HERC5: variants seen among roughly 807,000 people sequenced by gnomAD.
HERC5 encodes the protein HECT and RLD domain containing E3 ubiquitin protein ligase 5.
In HERC5, 99 loss-of-function variants were observed where a neutral mutation model predicts 119.6. The ratio of observed to expected loss-of-function variants is 0.83; its 90% confidence interval spans 0.70 to 0.98. HERC5 has a LOEUF of 0.98. Ranked by LOEUF, HERC5 falls within the 50% of genes least tolerant of loss-of-function variation. The probability of loss-of-function intolerance (pLI) is 0.00; values close to 1 mark genes in which losing one functional copy is unlikely to be tolerated. For missense variants in HERC5, 1,267 were observed against 1,241.3 expected (o/e 1.02, Z -0.31); for synonymous variants, 478 against 445.9 (o/e 1.07, Z -0.91).
At chr4:88,464,132 T>A in intron 6 of HERC5, 147 bp downstream of exon 6, 1 of 550,796 alleles carries the variant, frequency 1.8e-6, no homozygotes, top group Non-Finnish European at 2.9e-6. Flanking sequence ...TAGATAAATG[T>A]AATACCCCTT....
chr4:88,479,036 A>G (rs1741177792), intron 12 of HERC5, among the ~76,000 whole-genome samples: 1 of 152,208 alleles, frequency 6.6e-6, no homozygotes, highest in Non-Finnish European at 1.5e-5. Context: ...CTACAATCCC[A>G]GCACTTTGGG....
Position 88,491,766 on chromosome 4 carries a change from A to AT in HERC5, c.2134-1236dup, listed in dbSNP as rs1033684027. On this transcript the variant is annotated intron_variant, in intron 16 of 22. Transcript: ENST00000264350. ...TTTGTATTGGAGACAATGTGTTGGG[A>AT]TTTTTTTTTTCCTTTTAAGGTTAAG... is the stretch of plus-strand genomic sequence containing the variant. Among the ~76,000 whole-genome samples, 53 of 149,292 alleles carry AT rather than the reference A, an allele frequency of 3.6e-4. No individual in the cohort carries two copies. In the South Asian group the frequency reaches 7.7e-3, roughly 22 times the overall value.
intron 4 of HERC5, among the ~76,000 whole-genome samples, chr4:88,463,309 C>T (rs550931666): frequency 6.6e-6 from 1 of 152,310 alleles, no homozygotes; most frequent in Admixed American, 6.5e-5. Context: ...AGTGGTTTGA[C>T]CCTTTCACAG....
chr4:88,502,240 C>T (rs1741969520), intron 20 of HERC5, among the ~76,000 whole-genome samples: 2 of 152,272 alleles, frequency 1.3e-5, no homozygotes, highest in Admixed American at 1.3e-4. Flanking sequence ...TGCTTGGTGC[C>T]TTGTGGTTGC....
In HERC5 at chr4:88,462,258, C is replaced by T. The variant is rs1008037733; in HGVS notation, c.590C>T (p.Ser197Phe). The T allele has an allele frequency of 2.5e-6, 4 of 1,614,108 alleles. No individual in the cohort carries two copies. The African/African-American group carries it at 5.3e-5, about 22-fold the overall frequency. The change falls in exon 4 of 23, where the codon TCT becomes TTT. Residue 197 changes from serine (S) to phenylalanine (F), a missense_variant. Ser to Phe is a radical substitution (Grantham distance 155). Around this residue, in one of 3 missense-constraint regions of HERC5, gnomAD observed 777 missense variants for 758.0 expected, o/e 1.03. Coordinates refer to ENST00000264350, the MANE Select transcript of HERC5 (RefSeq NM_016323.4). ...GCAGGAGTACCCTTGGCTCAGATTTCTGCCGGAGAAGCCCACAGCATGGCC... is the reference window on the plus strand; with the variant it reads ...GCAGGAGTACCCTTGGCTCAGATTTTTGCCGGAGAAGCCCACAGCATGGCC... ...HLAGVPLAQI[S>F]AGEAHSMALS... is the part of the protein sequence containing the mutation.
At chr4:88,504,210 A>G in intron 20 of HERC5, 22 bp from the exon 21 acceptor site, 3 of 1,503,010 alleles carry the variant, frequency 2.0e-6, no homozygotes, top group South Asian at 1.2e-5. Context: ...GTAAGTGGAA[A>G]TAACATTTTG....
At chr4:88,478,659 T>G (rs1305288722) in intron 12 of HERC5, among the ~76,000 whole-genome samples, 1 of 152,170 alleles carries the variant, frequency 6.6e-6, no homozygotes. Context: ...TCACCCAGGT[T>G]GGAGTGCTCT....
chr4:88,491,072 A>G (rs1379552987), intron 16 of HERC5, among the ~76,000 whole-genome samples: 1 of 152,046 alleles, frequency 6.6e-6, no homozygotes, highest in African/African-American at 2.4e-5. Flanking sequence ...TACATGTATG[A>G]CCCCTGTAAT....
At chr4:88,462,065 A>G in intron 3 of HERC5, 70 bp from the exon 4 acceptor site, 3 of 1,293,500 alleles carry the variant, frequency 2.3e-6, no homozygotes, top group South Asian at 2.5e-5. Flanking sequence ...TAGAGCATGC[A>G]TAATGCTTTA....
intron 16 of HERC5, among the ~76,000 whole-genome samples, chr4:88,489,604 G>A (rs1016266853): frequency 1.3e-5 from 2 of 152,126 alleles, no homozygotes; most frequent in Admixed American, 6.6e-5. Context: ...GCCCTAAGAG[G>A]TCCAGTCCCT....
rs1741235834 is a variant in HERC5, at chr4:88,480,259, A to G, written c.1737+752A>G. On this transcript the variant is annotated intron_variant, in intron 13 of 22. Coordinates refer to ENST00000264350, the MANE Select transcript of HERC5 (RefSeq NM_016323.4). ...TATGATGTTTAATTTTGCTATTTTC[A>G]AAATTTATGTGAATGGAATACTGCT... Among the ~76,000 whole-genome samples, 4 of 152,244 alleles carry G rather than the reference A, an allele frequency of 2.6e-5. No individual in the cohort carries two copies. The South Asian group carries it at 8.3e-4, about 32-fold the overall frequency.
Position 88,504,594 on chromosome 4 carries a change from CT to C in HERC5, c.2868del (p.Val957TyrfsTer11). ...KLTLEEKKKF[L>X]VFLTGTDRLQ... Reference sequence around the variant, plus strand: ...GACTCTGGAAGAAAAGAAAAAATTCCTTGGTAAGTATTATATCAAGGAATAG... The same window carrying C: ...GACTCTGGAAGAAAAGAAAAAATTCCTGGTAAGTATTATATCAAGGAATAG... On this transcript the variant is annotated frameshift_variant and splice_region_variant, in exon 22 of 23. Coordinates refer to ENST00000264350, the MANE Select transcript of HERC5 (RefSeq NM_016323.4). LOFTEE classifies it low-confidence loss of function (END_TRUNC). 2.6e-6 allele frequency: 4 copies of C among 1,539,934 alleles called. No homozygotes were observed. The highest frequency in any genetic ancestry group is 2.6e-6 in the Non-Finnish European group (3 of 1,143,618).
intron 12 of HERC5, among the ~76,000 whole-genome samples, chr4:88,476,771 A>G (rs1249718268): frequency 6.6e-6 from 1 of 151,890 alleles, no homozygotes; most frequent in Non-Finnish European, 1.5e-5. Flanking sequence ...AAATACAAAA[A>G]TTAACTGGAC....
intron 16 of HERC5, among the ~76,000 whole-genome samples, chr4:88,489,886 G>A (rs1741581128): frequency 6.6e-6 from 1 of 152,020 alleles, no homozygotes; most frequent in Non-Finnish European, 1.5e-5. Flanking sequence ...GTGGGTGCCT[G>A]TAATCCCAGC....
rs754478218 is a variant in HERC5 at position 88,486,089 on chromosome 4, T to A, written c.1738-26T>A. On this transcript the variant is annotated intron_variant, in intron 13 of 22. Coordinates refer to ENST00000264350, the MANE Select transcript of HERC5 (RefSeq NM_016323.4). Reference sequence around the variant, plus strand: ...CAAAATTGTCTTTAAATATAAAACTTTTTCACAAGTCATATTTTATTTAAG... The same window carrying A: ...CAAAATTGTCTTTAAATATAAAACTATTTCACAAGTCATATTTTATTTAAG... 1.1e-5 allele frequency: 16 copies of A among 1,456,242 alleles called. No homozygotes were observed. The Admixed American group carries it at 2.3e-4, about 21-fold the overall frequency. The allele number at this position is 1,456,242 out of a possible 1,614,324, so 90.2% of individuals were successfully genotyped here.
At chr4:88,475,744 T>G in intron 11 of HERC5, 97 bp from the exon 12 acceptor site, 2 of 995,004 alleles carry the variant, frequency 2.0e-6, no homozygotes, top group Non-Finnish European at 3.1e-6. Context: ...AGTAGTAGAA[T>G]GACATTCCAG....
chr4:88,493,065 C>T lies in HERC5; in HGVS notation c.2187C>T (p.Phe729=). The change falls in exon 17 of 23, where the codon TTC becomes TTT. Residue 729 remains phenylalanine (F), a synonymous_variant. Coordinates refer to ENST00000264350, the MANE Select transcript of HERC5 (RefSeq NM_016323.4). ...ACCTCGGAGGAGTCAAGAAAGAGTT[C>T]TTCTACTGTCTGTTTGCAGAGATGA... ...GYDLGGVKKE[F]FYCLFAEMIQ... is the part of the protein sequence containing the mutation. The T allele has an allele frequency of 6.2e-7, 1 of 1,613,970 alleles. No individual in the cohort carries two copies. The highest frequency in any genetic ancestry group is 1.1e-5 in the South Asian group (1 of 91,080).
intron 4 of HERC5, among the ~76,000 whole-genome samples, 173 bp from the exon 5 acceptor site, chr4:88,463,359 C>A (rs1256425665): frequency 6.6e-6 from 1 of 151,884 alleles, no homozygotes; most frequent in Non-Finnish European, 1.5e-5. Context: ...CCACTGGTCC[C>A]ACCTTCACCC....
In HERC5 at chr4:88,500,867, G is replaced by T. The variant is rs768594012; in HGVS notation, c.2512-48G>T. The stretch of plus-strand genomic sequence containing the variant: ...AAAGTGTTTTTATTGATGATAGATT[G>T]TTCAGAATTATGTTGGAGATATTAT... On this transcript the variant is annotated intron_variant, in intron 19 of 22. Transcript: ENST00000264350. 19 of 1,338,802 alleles carry T rather than the reference G, an allele frequency of 1.4e-5. No homozygotes were observed. In the East Asian group the frequency reaches 4.5e-4, roughly 31 times the overall value. The allele number at this position is 1,338,802 out of a possible 1,614,324, so 82.9% of individuals were successfully genotyped here.
Sources: allele counts gnomAD v4.1 joint callset (sites outside exome capture counted in the v4.1 genomes callset), GRCh38; gene constraint gnomAD v4.1.1; regional missense constraint gnomAD v4.1.1; transcripts MANE v1.5; gene names NCBI Gene and HGNC (gene_info 2026-07-23, HGNC 2026-07-21).